Variants in MXI1 observed in about 807,000 individuals in gnomAD.
MXI1 encodes the protein MAX interactor 1, dimerization protein, also known as max-interacting protein 1.
Under a neutral mutation model 36.9 loss-of-function variants are expected in MXI1, and 18 were observed. That is an observed-to-expected ratio of 0.49 (90% CI 0.34 to 0.72). The LOEUF (loss-of-function observed/expected upper bound fraction) is 0.72, where lower values mean the gene tolerates loss of function less well. Ranked by LOEUF, MXI1 falls within the 30% of genes least tolerant of loss-of-function variation. The pLI is 0.01. For missense variants in MXI1, 304 were observed against 379.1 expected (o/e 0.80, Z 1.64); for synonymous variants, 160 against 146.7 (o/e 1.09, Z -0.65).
chr10:110,282,009 C>G (rs1476334644), intron 5 of MXI1, among the ~76,000 whole-genome samples: 2 of 152,110 alleles, frequency 1.3e-5, no homozygotes, highest in African/African-American at 2.4e-5. Context: ...TATTTATAAA[C>G]TGTTTTTCTC....
At chr10:110,269,124 C>T (rs1856778034) in intron 3 of MXI1, among the ~76,000 whole-genome samples, 1 of 152,180 alleles carries the variant, frequency 6.6e-6, no homozygotes, top group Non-Finnish European at 1.5e-5. Context: ...TGGCAGATGT[C>T]CAGCAATGCC....
intron 1 of MXI1, among the ~76,000 whole-genome samples, chr10:110,224,696 G>A (rs973194664): frequency 6.7e-6 from 1 of 149,480 alleles, no homozygotes; most frequent in African/African-American, 2.5e-5. Context: ...GCTGGAGGCC[G>A]GAGTGCAGTG....
chr10:110,221,671 A>G (rs1854810485), intron 1 of MXI1, among the ~76,000 whole-genome samples: 1 of 152,250 alleles, frequency 6.6e-6, no homozygotes. Context: ...CTAAGAGGGA[A>G]GAGATGGGTC....
rs530860778 is a variant in MXI1, at chr10:110,211,461, C to G, written c.274+3379C>G. 4.6e-5 allele frequency among the ~76,000 whole-genome samples: 7 copies of G among 152,324 alleles called. No individual in the cohort carries two copies. In the South Asian group the frequency reaches 1.4e-3, roughly 32 times the overall value. ...TCTGTCCGGAGATGAGTGTCGGGCC[C>G]CGATTCTCCATTTCGGGTTCGGTGA... On this transcript the variant is annotated intron_variant, in intron 1 of 5. Transcript: ENST00000332674.
intron 1 of MXI1, 39 bp downstream of exon 1, chr10:110,208,121 T>C: frequency 6.4e-7 from 1 of 1,555,816 alleles, no homozygotes; most frequent in Non-Finnish European, 8.7e-7. Flanking sequence ...GGCGCCCGGT[T>C]CTTTCTTTCT....
chr10:110,255,030 T>C lies in MXI1; in HGVS notation c.437+10173T>C, dbSNP rs370814271. Among the ~76,000 whole-genome samples, 8 of 152,116 alleles carry C rather than the reference T, an allele frequency of 5.3e-5. No individual in the cohort carries two copies. In the East Asian group the frequency reaches 9.6e-4, roughly 18 times the overall value. ...AAGAAGATGCCATCCAGGACTTTCATAGCTAGAGCAGAAGTCATAGAGAAG... is the reference window on the plus strand; with the variant it reads ...AAGAAGATGCCATCCAGGACTTTCACAGCTAGAGCAGAAGTCATAGAGAAG... On this transcript the variant is annotated intron_variant, in intron 3 of 5. Coordinates refer to ENST00000332674, the MANE Select transcript of MXI1 (RefSeq NM_130439.3).
At chr10:110,256,218 T>G (rs1241997424) in intron 3 of MXI1, among the ~76,000 whole-genome samples, 1 of 152,106 alleles carries the variant, frequency 6.6e-6, no homozygotes, top group Non-Finnish European at 1.5e-5. Flanking sequence ...AAAACATAAG[T>G]GTAAATCTTT....
intron 3 of MXI1, among the ~76,000 whole-genome samples, chr10:110,271,210 C>T (rs1451810918): frequency 6.6e-6 from 1 of 151,312 alleles, no homozygotes; most frequent in Non-Finnish European, 1.5e-5. Flanking sequence ...ATTTCAGCTG[C>T]ACCAGAAAAA....
chr10:110,229,205 C>T (rs974615125), intron 2 of MXI1, among the ~76,000 whole-genome samples: 1 of 152,210 alleles, frequency 6.6e-6, no homozygotes, highest in Non-Finnish European at 1.5e-5. Context: ...AAAGGCCTTT[C>T]TTAACAGAAG....
intron 1 of MXI1, chr10:110,227,938 G>A (rs1855118618): frequency 4.2e-6 from 2 of 475,616 alleles, no homozygotes; most frequent in African/African-American, 1.9e-5. Flanking sequence ...GTTCTTGGGA[G>A]AGAAGGATTT....
chr10:110,286,312 GTTA>G lies in MXI1; in HGVS notation c.*1328_*1330del, dbSNP rs1857424119. 6.6e-6 allele frequency: 1 copy of G among 152,578 alleles called. No homozygotes were observed. The highest frequency in any genetic ancestry group is 2.1e-4 in the South Asian group (1 of 4,816). 9.5% of individuals were successfully genotyped at this position (152,578 alleles called of 1,614,324 possible). On this transcript the variant is annotated 3_prime_UTR_variant, in exon 6 of 6. Coordinates refer to ENST00000332674, the MANE Select transcript of MXI1 (RefSeq NM_130439.3). ...TACTCTTACGAATATTTTCAGTAATGTTATTTTCTTCTAAGTGAAATTTCTAGC... is the reference window on the plus strand; with the variant it reads ...TACTCTTACGAATATTTTCAGTAATGTTTTCTTCTAAGTGAAATTTCTAGC...
intron 1 of MXI1, among the ~76,000 whole-genome samples, chr10:110,209,543 C>T (rs1476132534): frequency 5.3e-5 from 8 of 152,064 alleles, no homozygotes; most frequent in Admixed American, 5.2e-4. Context: ...GTTGTGAGGT[C>T]GGTGGTGCGT....
intron 2 of MXI1, among the ~76,000 whole-genome samples, chr10:110,236,635 A>AT (rs113080129): frequency 1.3e-5 from 2 of 151,812 alleles, no homozygotes; most frequent in Non-Finnish European, 2.9e-5. Flanking sequence ...TAATTTTTAT[A>AT]TTTTTTGTAG....
chr10:110,286,750 T>C lies in MXI1; in HGVS notation c.*1763T>C, dbSNP rs1210740021. The C allele has an allele frequency of 6.6e-6, 1 of 152,258 alleles. No individual in the cohort carries two copies. Among genetic ancestry groups the C allele is most frequent in the Non-Finnish European group, 1.5e-5 (1 of 68,044 alleles). The allele number at this position is 152,258 out of a possible 1,614,324, so 9.4% of individuals were successfully genotyped here. A position where few individuals can be genotyped will look rare whatever the true frequency, so the allele number is the denominator to read the frequency against. On this transcript the variant is annotated 3_prime_UTR_variant, in exon 6 of 6. Coordinates refer to ENST00000332674, the MANE Select transcript of MXI1 (RefSeq NM_130439.3). ...CATACATTACGCCTCAACATATACTTGTGCTCTTCCTTTGCCTCCAGAAGA... is the reference window on the plus strand; with the variant it reads ...CATACATTACGCCTCAACATATACTCGTGCTCTTCCTTTGCCTCCAGAAGA...
chr10:110,232,277 T>C (rs1003533967), intron 2 of MXI1, among the ~76,000 whole-genome samples: 2 of 152,164 alleles, frequency 1.3e-5, no homozygotes, highest in African/African-American at 4.8e-5. Flanking sequence ...ATGAATTACA[T>C]TGGCCAGCCT....
intron 3 of MXI1, among the ~76,000 whole-genome samples, chr10:110,276,829 C>CTT (rs1554859478): frequency 6.7e-6 from 1 of 149,724 alleles, no homozygotes; most frequent in South Asian, 2.1e-4. Context: ...ATTTTCCTTT[C>CTT]TTTCTTTTCT....
intron 2 of MXI1, among the ~76,000 whole-genome samples, chr10:110,233,363 G>A (rs1855340493): frequency 6.6e-6 from 1 of 152,026 alleles, no homozygotes; most frequent in East Asian, 1.9e-4. Flanking sequence ...GGAGAGGGAT[G>A]GTGGTGAATT....
intron 1 of MXI1, chr10:110,210,238 C>A (rs1854478084): frequency 1.0e-6 from 1 of 985,008 alleles, no homozygotes; most frequent in Non-Finnish European, 1.2e-6. Flanking sequence ...GCCCATCGCC[C>A]GAGGCGTCCG....
rs754963291 is a variant in MXI1, at chr10:110,261,429, ATTT to A, written c.437+16586_437+16588del. ...ATTTATCATAATGACTATTCAAACC[ATTT>A]TTTTTTTTTTTTTAACCCCTCCAAG... On this transcript the variant is annotated intron_variant, in intron 3 of 5. Coordinates refer to ENST00000332674, the MANE Select transcript of MXI1 (RefSeq NM_130439.3). Among the ~76,000 whole-genome samples the A allele has an allele frequency of 2.0e-3, 286 of 141,272 alleles. 2 individuals are homozygous for A. The highest frequency in any genetic ancestry group is 7.3e-3 in the Middle Eastern group (2 of 274). 92.7% of individuals were successfully genotyped at this position (141,272 alleles called of 152,430 possible). A position where few individuals can be genotyped will look rare whatever the true frequency, so the allele number is the denominator to read the frequency against.
Sources: gnomAD v4.1 joint callset for allele counts (sites outside exome capture counted in the v4.1 genomes callset) on GRCh38, gnomAD v4.1.1 for gene constraint, MANE v1.5 for transcripts, NCBI Gene and HGNC (gene_info 2026-07-23, HGNC 2026-07-21) for gene names.